The following FANCD2OS variants were observed in gnomAD, a reference collection of about 807,000 sequenced individuals.
FANCD2OS encodes the protein FANCD2 opposite strand protein.
Under a neutral mutation model 13.2 loss-of-function variants are expected in FANCD2OS, and 11 were observed. The ratio of observed to expected loss-of-function variants is 0.83; its 90% confidence interval spans 0.52 to 1.38. The LOEUF (loss-of-function observed/expected upper bound fraction) is 1.38. Ranked by LOEUF, FANCD2OS falls within the 40% of genes most tolerant of loss-of-function variation. The pLI is 0.00. For synonymous variants in FANCD2OS, 69 were observed against 84.5 expected (o/e 0.82, Z 1.01); for missense variants, 217 against 213.9 (o/e 1.01, Z -0.09).
chr3:10,105,817 T>A (rs1695482654), intron 1 of FANCD2OS, among the ~76,000 whole-genome samples: 1 of 80,914 alleles, frequency 1.2e-5, no homozygotes, highest in Non-Finnish European at 2.4e-5. Context: ...TATATATATA[T>A]ATATTTTGAG....
At chr3:10,098,913 G>A (rs1695139695), downstream of FANCD2OS, 5 of 1,614,166 alleles carry the variant, frequency 3.1e-6, no homozygotes, top group East Asian at 2.2e-5. Context: ...TATGTTTATT[G>A]TCAAATGCTT....
chr3:10,098,711 C>G (rs1349080878), downstream of FANCD2OS: 1 of 1,614,058 alleles, frequency 6.2e-7, no homozygotes, highest in Non-Finnish European at 8.5e-7. Flanking sequence ...TTGGTCCATT[C>G]ACATTTAGGG....
At position 10,104,188 on chromosome 3, in the gene FANCD2OS, AG is replaced by A; in HGVS notation, c.*52del. On this transcript the variant is annotated 3_prime_UTR_variant, in exon 2 of 2. Transcript: ENST00000450660. The stretch of plus-strand genomic sequence containing the variant: ...ACATGGACAGGTTTCTGTAAGCTTT[AG>A]GTACATACCAAAGGGCATGGTGTGA... The A allele has an allele frequency of 6.9e-7, 1 of 1,459,226 alleles. No individual in the cohort carries two copies. The highest frequency in any genetic ancestry group is 1.4e-5 in the South Asian group (1 of 74,030). 90.4% of individuals were successfully genotyped at this position (1,459,226 alleles called of 1,614,324 possible). A position where few individuals can be genotyped will look rare whatever the true frequency, so the allele number is the denominator to read the frequency against.
intron 2 of FANCD2OS, chr3:10,090,294 A>T: frequency 1.9e-6 from 3 of 1,612,842 alleles, no homozygotes; most frequent in Non-Finnish European, 2.5e-6. Context: ...TCTTCTAGGC[A>T]TACTTTTGTT....
In FANCD2OS at chr3:10,104,436, C is replaced by G; in HGVS notation, c.339G>C (p.Lys113Asn). 6.2e-7 allele frequency: 1 copy of G among 1,614,196 alleles called. No homozygotes were observed. The highest frequency in any genetic ancestry group is 8.5e-7 in the Non-Finnish European group (1 of 1,180,030). ...FGRVITAQPP[K>N]WTGTFRVSDK... is the part of the protein sequence containing the mutation. ...CTGAAACTCTGAAAGTCCCGGTCCA[C>G]TTTGGTGGCTGAGCTGTGATAACCC... is the stretch of plus-strand genomic sequence containing the variant. The change falls in exon 2 of 2, where the codon AAG (lysine) becomes AAC (asparagine). Residue 113 changes from lysine (K) to asparagine (N), a missense_variant. Lys to Asn is a moderately conservative substitution (Grantham distance 94). Transcript: ENST00000450660.
chr3:10,092,158 G>T, intron 2 of FANCD2OS: 1 of 1,565,936 alleles, frequency 6.4e-7, no homozygotes, highest in Non-Finnish European at 8.8e-7. Context: ...ACTCAGAGGT[G>T]CCCATATATT....
downstream of FANCD2OS, chr3:10,101,706 C>T (rs536186201): frequency 2.6e-5 from 7 of 266,732 alleles, no homozygotes; most frequent in African/African-American, 1.1e-4. Context: ...AAAGTGGGGT[C>T]TTTATTAACT....
At chr3:10,098,340 C>T (rs1046726633), downstream of FANCD2OS, among the ~76,000 whole-genome samples, 6 of 152,144 alleles carry the variant, frequency 3.9e-5, no homozygotes, top group African/African-American at 1.4e-4. Context: ...ACCATACTGT[C>T]CTTTAGCCTC....
chr3:10,101,100 A>T, downstream of FANCD2OS: 1 of 1,001,148 alleles, frequency 1.0e-6, no homozygotes, highest in Non-Finnish European at 1.6e-6. Context: ...TGATAATAGT[A>T]CAGTTGTGTA....
At chr3:10,089,010 C>T (rs890502012) in intron 2 of FANCD2OS, 18 of 1,582,208 alleles carry the variant, frequency 1.1e-5, no homozygotes, top group African/African-American at 2.7e-5. Flanking sequence ...AGGCTGGGCA[C>T]GGTGGCACAC....
Position 10,104,007 on chromosome 3 carries a change from A to C in FANCD2OS, c.*234T>G, listed in dbSNP as rs1394861094. On this transcript the variant is annotated 3_prime_UTR_variant, in exon 2 of 2. Coordinates refer to ENST00000450660, the MANE Select transcript of FANCD2OS (RefSeq NM_001164839.2). Reference sequence around the variant, plus strand: ...GTTATCACATGGACATGTCAATGCTAGTTTGACTCTAAATGGTTCAACCTT... The same window carrying C: ...GTTATCACATGGACATGTCAATGCTCGTTTGACTCTAAATGGTTCAACCTT... 3.8e-6 allele frequency: 2 copies of C among 529,918 alleles called. No homozygotes were observed. Among genetic ancestry groups the C allele is most frequent in the Non-Finnish European group, 6.6e-6 (2 of 302,660 alleles). The allele number at this position is 529,918 out of a possible 1,614,324, so 32.8% of individuals were successfully genotyped here. A position where few individuals can be genotyped will look rare whatever the true frequency, so the allele number is the denominator to read the frequency against.
chr3:10,105,829 T>G (rs1695484577), intron 1 of FANCD2OS, among the ~76,000 whole-genome samples: 2 of 118,218 alleles, frequency 1.7e-5, no homozygotes, highest in African/African-American at 6.0e-5. Flanking sequence ...TATTTTGAGG[T>G]TCGCGATGTA....
chr3:10,101,311 C>T, downstream of FANCD2OS: 1 of 1,331,492 alleles, frequency 7.5e-7, no homozygotes, highest in South Asian at 1.2e-5. Flanking sequence ...AGCCTGTGAT[C>T]ATTTTGTGTT....
At chr3:10,105,099 G>A (rs901126438) in intron 1 of FANCD2OS, among the ~76,000 whole-genome samples, 1 of 152,038 alleles carries the variant, frequency 6.6e-6, no homozygotes, top group African/African-American at 2.4e-5. Context: ...GTGATCCACC[G>A]CCTCGGCCTC....
intron 2 of FANCD2OS, among the ~76,000 whole-genome samples, chr3:10,095,877 G>A (rs974477722): frequency 4.7e-5 from 6 of 128,136 alleles, no homozygotes; most frequent in Non-Finnish European, 8.1e-5. Context: ...CCTGAACAGT[G>A]ATTTTTTTTT....
chr3:10,105,798 ATATATATATATATATATATATATTTT>A lies in FANCD2OS; in HGVS notation c.-8-1042_-8-1017del, dbSNP rs1559415256. On this transcript the variant is annotated intron_variant, in intron 1 of 1. Coordinates refer to ENST00000450660, the MANE Select transcript of FANCD2OS (RefSeq NM_001164839.2). ...TATATATATATATATATATATATAT[ATATATATATATATATATATATATTTT>A]GAGGTTCGCGATGTATGAACCCTGT... is the stretch of plus-strand genomic sequence containing the variant. Among the ~76,000 whole-genome samples, 19 of 92,634 alleles carry A rather than the reference ATATATATATATATATATATATATTTT, an allele frequency of 2.1e-4. 2 individuals carry two copies. Among genetic ancestry groups the A allele is most frequent in the African/African-American group, 1.1e-3 (19 of 17,082 alleles). The allele number at this position is 92,634 out of a possible 152,430, so 60.8% of individuals were successfully genotyped here. A position where few individuals can be genotyped will look rare whatever the true frequency, so the allele number is the denominator to read the frequency against.
At chr3:10,089,830 G>C (rs1279535704) in intron 2 of FANCD2OS, among the ~76,000 whole-genome samples, 1 of 152,196 alleles carries the variant, frequency 6.6e-6, no homozygotes, top group Non-Finnish European at 1.5e-5. Flanking sequence ...ATGGGTGTGT[G>C]TCTCAGAATA....
intron 2 of FANCD2OS, among the ~76,000 whole-genome samples, chr3:10,084,747 G>A (rs1022635599): frequency 6.6e-6 from 1 of 152,218 alleles, no homozygotes; most frequent in African/African-American, 2.4e-5. Flanking sequence ...TCAGGAAGAT[G>A]CTTCTAGAGG....
At chr3:10,085,360 A>G (rs1218681098) in intron 2 of FANCD2OS, among the ~76,000 whole-genome samples, 1 of 150,984 alleles carries the variant, frequency 6.6e-6, no homozygotes, top group East Asian at 1.9e-4. Context: ...GTACTTCAGT[A>G]CTTTCCATTT....
Sources: allele counts gnomAD v4.1 joint callset (sites outside exome capture counted in the v4.1 genomes callset), GRCh38; gene constraint gnomAD v4.1.1; transcripts MANE v1.5; gene names NCBI Gene and HGNC (gene_info 2026-07-23, HGNC 2026-07-21).